Variants in SGCZ observed in about 807,000 individuals in gnomAD.
SGCZ encodes the protein zeta-sarcoglycan.
SGCZ carries 40 observed loss-of-function variants against 41.3 expected under a neutral mutation model. The ratio of observed to expected loss-of-function variants is 0.97; its 90% confidence interval spans 0.75 to 1.26. The LOEUF (loss-of-function observed/expected upper bound fraction) is 1.26, where lower values mean the gene tolerates loss of function less well. Ranked by LOEUF, SGCZ falls within the 50% of genes most tolerant of loss-of-function variation. SGCZ has a pLI of 0.00. For synonymous variants in SGCZ, 206 were observed against 137.5 expected (o/e 1.50, Z -3.49); for missense variants, 552 against 369.8 (o/e 1.49, Z -4.04).
intron 1 of SGCZ, among the ~76,000 whole-genome samples, chr8:15,084,873 A>C (rs1297824133): frequency 6.6e-6 from 1 of 152,190 alleles, no homozygotes. Flanking sequence ...CCAATATCTA[A>C]CATTGATAAG....
At position 15,116,283 on chromosome 8, in the gene SGCZ, A is replaced by G. The variant is rs569871294; in HGVS notation, c.39+121302T>C. Among the ~76,000 whole-genome samples the G allele has an allele frequency of 3.9e-5, 6 of 152,346 alleles. No homozygotes were observed. In the South Asian group the frequency reaches 1.0e-3, roughly 26 times the overall value. On this transcript the variant is annotated intron_variant, in intron 1 of 7. Coordinates refer to ENST00000382080, the MANE Select transcript of SGCZ (RefSeq NM_139167.4). The stretch of plus-strand genomic sequence containing the variant: ...TTTTGTCTTTTAGCAGTATTTGGCT[A>G]TATTAACTCTGACAATTAGTTGACA...
intron 1 of SGCZ, among the ~76,000 whole-genome samples, chr8:14,869,369 C>G (rs1472639534): frequency 1.3e-5 from 2 of 152,074 alleles, no homozygotes. Flanking sequence ...GCAGAAAAAT[C>G]CTTCGATGAA....
At chr8:14,497,492 C>A (rs1415248030) in intron 2 of SGCZ, among the ~76,000 whole-genome samples, 1 of 152,012 alleles carries the variant, frequency 6.6e-6, no homozygotes, top group African/African-American at 2.4e-5. Context: ...TGAATGTGGC[C>A]CAACAAGAAG....
At chr8:14,885,937 A>G (rs1032010993) in intron 1 of SGCZ, among the ~76,000 whole-genome samples, 1 of 143,738 alleles carries the variant, frequency 7.0e-6, no homozygotes, top group Non-Finnish European at 1.5e-5. Context: ...TTAGAAATTT[A>G]GCATATTTCT....
At chr8:14,912,780 A>C (rs1477296336) in intron 1 of SGCZ, among the ~76,000 whole-genome samples, 1 of 152,120 alleles carries the variant, frequency 6.6e-6, no homozygotes, top group Admixed American at 6.6e-5. Flanking sequence ...GAATTGATGA[A>C]AAATGAAACT....
chr8:14,309,300 T>C, intron 3 of SGCZ: 1 of 1,586,780 alleles, frequency 6.3e-7, no homozygotes, highest in South Asian at 1.1e-5. Context: ...TACTCACTTT[T>C]TAAGGATGGT....
At chr8:14,103,600 T>TA (rs948787688) in intron 6 of SGCZ, among the ~76,000 whole-genome samples, 39 of 152,252 alleles carry the variant, frequency 2.6e-4, no homozygotes, top group African/African-American at 8.4e-4. Context: ...TTAAAAGTGA[T>TA]ATGGAAGGAG....
chr8:14,680,972 A>AAAAAAAAC (rs1554479476), intron 1 of SGCZ, among the ~76,000 whole-genome samples: 3 of 150,848 alleles, frequency 2.0e-5, no homozygotes, highest in Non-Finnish European at 3.0e-5. Context: ...GGGAAAAAAA[A>AAAAAAAAC]AAAAAAAAAC....
chr8:14,684,067 C>T (rs920737836), intron 1 of SGCZ, among the ~76,000 whole-genome samples: 16 of 152,122 alleles, frequency 1.1e-4, no homozygotes, highest in African/African-American at 2.4e-4. Flanking sequence ...GATTATGAAA[C>T]CCAACATGCC....
chr8:14,177,535 A>C (rs988996172), intron 4 of SGCZ, among the ~76,000 whole-genome samples: 1 of 152,012 alleles, frequency 6.6e-6, no homozygotes, highest in Non-Finnish European at 1.5e-5. Flanking sequence ...TTTGAGACGG[A>C]GTCTCGTGCT....
At chr8:14,403,339 G>A (rs952043302) in intron 2 of SGCZ, among the ~76,000 whole-genome samples, 1 of 150,746 alleles carries the variant, frequency 6.6e-6, no homozygotes. Context: ...GAATAGGAGT[G>A]GTGAGAGAGG....
At chr8:14,778,689 G>A (rs1476249234) in intron 1 of SGCZ, among the ~76,000 whole-genome samples, 3 of 152,236 alleles carry the variant, frequency 2.0e-5, no homozygotes, top group South Asian at 2.1e-4. Context: ...TTTCAATGAC[G>A]AGGAAACCCA....
chr8:14,963,743 G>A (rs6990433), intron 1 of SGCZ, among the ~76,000 whole-genome samples: 141,316 of 152,216 alleles, frequency 0.93, 65,787 homozygotes, highest in East Asian at 0.99. Flanking sequence ...AATGTATGGA[G>A]AACACTTTCA....
At chr8:14,205,957 G>C (rs1189923951) in intron 4 of SGCZ, among the ~76,000 whole-genome samples, 2 of 152,036 alleles carry the variant, frequency 1.3e-5, no homozygotes, top group African/African-American at 4.8e-5. Context: ...GTTCATATAG[G>C]CTAAGAAAGT....
At chr8:14,596,973 C>T (rs1472585357) in intron 1 of SGCZ, among the ~76,000 whole-genome samples, 1 of 151,990 alleles carries the variant, frequency 6.6e-6, no homozygotes, top group African/African-American at 2.4e-5. Flanking sequence ...TTTGGGGAAC[C>T]CTGAAATCTA....
intron 1 of SGCZ, among the ~76,000 whole-genome samples, chr8:14,616,353 C>G (rs1024307842): frequency 1.3e-5 from 2 of 151,828 alleles, no homozygotes; most frequent in African/African-American, 4.8e-5. Context: ...CATTACAATA[C>G]ACTAAATATA....
At chr8:14,141,117 A>G (rs1382056103) in intron 5 of SGCZ, among the ~76,000 whole-genome samples, 2 of 152,248 alleles carry the variant, frequency 1.3e-5, no homozygotes, top group Non-Finnish European at 2.9e-5. Context: ...CTGGCTAGCC[A>G]TATGTAGAAA....
At chr8:14,315,533 A>T (rs1801686930) in intron 3 of SGCZ, among the ~76,000 whole-genome samples, 1 of 152,112 alleles carries the variant, frequency 6.6e-6, no homozygotes, top group Non-Finnish European at 1.5e-5. Context: ...ACAATTTAAT[A>T]GTAACTCCCT....
At chr8:14,520,149 C>T (rs138425474) in intron 2 of SGCZ, among the ~76,000 whole-genome samples, 1 of 152,064 alleles carries the variant, frequency 6.6e-6, no homozygotes, top group East Asian at 1.9e-4. Flanking sequence ...GTATACAATA[C>T]ATTAGCAAGT....
Sources: allele counts gnomAD v4.1 joint callset (sites outside exome capture counted in the v4.1 genomes callset), GRCh38; gene constraint gnomAD v4.1.1; transcripts MANE v1.5; gene names NCBI Gene and HGNC (gene_info 2026-07-23, HGNC 2026-07-21).